The following SCGB2B2 variants were observed in gnomAD, a reference collection of about 807,000 sequenced individuals.
SCGB2B2 encodes the protein secretoglobin family 2B member 2, also known as secretoglobin-like protein.
In SCGB2B2, 11 loss-of-function variants were observed where a neutral mutation model predicts 7.6. That is an observed-to-expected ratio of 1.45 (90% CI 0.91 to 2.40). SCGB2B2 has a LOEUF of 2.40. SCGB2B2 is among the 30% of genes most tolerant of loss of function. The pLI is 0.00. For missense variants in SCGB2B2, 104 were observed against 115.4 expected, an observed-to-expected ratio of 0.90 and a Z score of 0.45; for synonymous variants, 50 against 48.6, an observed-to-expected ratio of 1.03 and a Z score of -0.12.
chr19:34,585,653 A>C (rs765737191), downstream of SCGB2B2, among the ~76,000 whole-genome samples: 2 of 152,212 alleles, frequency 1.3e-5, no homozygotes, highest in Admixed American at 6.5e-5. Flanking sequence ...CTTGGTGGGC[A>C]GGGGACTTGG....
intron 1 of SCGB2B2, among the ~76,000 whole-genome samples, chr19:34,644,368 T>TG (rs966424948): frequency 6.7e-5 from 10 of 150,338 alleles, no homozygotes; most frequent in African/African-American, 2.5e-4. Context: ...TTTTGTTTTT[T>TG]TTTTTTTACT....
chr19:34,600,411 C>A (rs2065590759), intron 1 of SCGB2B2, among the ~76,000 whole-genome samples: 1 of 152,128 alleles, frequency 6.6e-6, no homozygotes, highest in African/African-American at 2.4e-5. Flanking sequence ...GGTTTGTGCC[C>A]ATGTGTGGAA....
chr19:34,605,126 T>C (rs893579969), intron 1 of SCGB2B2, among the ~76,000 whole-genome samples: 4 of 152,248 alleles, frequency 2.6e-5, no homozygotes, highest in Non-Finnish European at 5.9e-5. Flanking sequence ...CATGGAATCA[T>C]ACAACATGCA....
At position 34,606,764 on chromosome 19, in the gene SCGB2B2, TCTCA is replaced by T. The variant is rs749692038; in HGVS notation, c.-2031-10174_-2031-10171del. Among the ~76,000 whole-genome samples, 52 of 152,094 alleles carry T rather than the reference TCTCA, an allele frequency of 3.4e-4. 1 individual carries two copies. Among genetic ancestry groups the T allele is most frequent in the Non-Finnish European group, 3.8e-4 (26 of 67,988 alleles). On this transcript the variant is annotated intron_variant, in intron 1 of 3. Coordinates refer to ENST00000601241, the MANE Select transcript of SCGB2B2 (RefSeq NM_001025591.4). Reference sequence around the variant, plus strand: ...ATTTTATAATTAGTACCTGTTAATCTCTCACTCAGTTAATTTATAAATTAAACTT... The same window carrying T: ...ATTTTATAATTAGTACCTGTTAATCTCTCAGTTAATTTATAAATTAAACTT...
At chr19:34,664,667 A>T (rs12327610) in intron 1 of SCGB2B2, among the ~76,000 whole-genome samples, 144,243 of 152,206 alleles carry the variant, frequency 0.95, 68,748 homozygotes, top group Middle Eastern at 0.99. Context: ...TCACTGTTCC[A>T]GCAAACTCCT....
chr19:34,603,623 T>A (rs537184321), intron 1 of SCGB2B2, among the ~76,000 whole-genome samples: 1 of 152,240 alleles, frequency 6.6e-6, no homozygotes, highest in South Asian at 2.1e-4. Context: ...CCAGGATTAA[T>A]TATAGGGAGA....
intron 1 of SCGB2B2, among the ~76,000 whole-genome samples, chr19:34,655,841 T>C (rs1600067020): frequency 6.6e-6 from 1 of 150,888 alleles, no homozygotes; most frequent in South Asian, 2.1e-4. Context: ...CAGTAAGACA[T>C]GTAACTGCAG....
At chr19:34,635,937 A>G (rs1283320465) in intron 1 of SCGB2B2, among the ~76,000 whole-genome samples, 1 of 152,194 alleles carries the variant, frequency 6.6e-6, no homozygotes, top group Non-Finnish European at 1.5e-5. Flanking sequence ...TGTCTCCCAC[A>G]TGCCCCCCGT....
chr19:34,655,798 G>A (rs1346609422), intron 1 of SCGB2B2, among the ~76,000 whole-genome samples: 1 of 151,218 alleles, frequency 6.6e-6, no homozygotes, highest in African/African-American at 2.5e-5. Context: ...CATATCTAAC[G>A]AGAGGCAAGG....
chr19:34,649,401 C>T (rs1343301445), intron 1 of SCGB2B2, among the ~76,000 whole-genome samples: 1 of 152,110 alleles, frequency 6.6e-6, no homozygotes, highest in Non-Finnish European at 1.5e-5. Flanking sequence ...CAGTGTTAAC[C>T]TGAACAGAAC....
chr19:34,667,813 T>C (rs2067677488), intron 1 of SCGB2B2, among the ~76,000 whole-genome samples: 2 of 148,034 alleles, frequency 1.4e-5, no homozygotes, highest in Non-Finnish European at 3.0e-5. Context: ...GCCACCCACG[T>C]GCCCCTCCCC....
Position 34,651,196 on chromosome 19 carries a change from A to AGAATGTCCACT in SCGB2B2, c.-2032+24423_-2032+24433dup, listed in dbSNP as rs974351059. On this transcript the variant is annotated intron_variant, in intron 1 of 3. Coordinates refer to ENST00000601241, the MANE Select transcript of SCGB2B2 (RefSeq NM_001025591.4). ...TTCCTCTGAGATCTGGAACAAGGCA[A>AGAATGTCCACT]GAATGTCCACTTTCACCACTTTTAT... 3.3e-5 allele frequency among the ~76,000 whole-genome samples: 5 copies of AGAATGTCCACT among 151,446 alleles called. 1 individual carries two copies. Among genetic ancestry groups the AGAATGTCCACT allele is most frequent in the African/African-American group, 1.2e-4 (5 of 40,692 alleles).
chr19:34,662,931 C>CA (rs199832640), intron 1 of SCGB2B2, among the ~76,000 whole-genome samples: 2 of 149,622 alleles, frequency 1.3e-5, no homozygotes, highest in Non-Finnish European at 3.0e-5. Flanking sequence ...ACCCTGTCTC[C>CA]AAAAAAACAA....
intron 1 of SCGB2B2, among the ~76,000 whole-genome samples, chr19:34,655,645 A>G (rs1197928867): frequency 6.6e-6 from 1 of 151,298 alleles, no homozygotes; most frequent in Non-Finnish European, 1.5e-5. Flanking sequence ...TCATGGGCAG[A>G]TCCTTAGCCT....
intron 1 of SCGB2B2, among the ~76,000 whole-genome samples, chr19:34,619,309 C>T (rs562365093): frequency 1.5e-4 from 23 of 152,296 alleles, no homozygotes; most frequent in African/African-American, 5.5e-4. Flanking sequence ...GGCCAAATAT[C>T]AGCTTTAATT....
chr19:34,633,672 T>C (rs1270552042), intron 1 of SCGB2B2, among the ~76,000 whole-genome samples: 2 of 151,966 alleles, frequency 1.3e-5, no homozygotes, highest in Non-Finnish European at 2.9e-5. Context: ...AGGTGATGAA[T>C]CTGCTCATTA....
chr19:34,593,247 A>T lies in SCGB2B2; in HGVS notation c.*308T>A, dbSNP rs2065344777. 1.0e-5 allele frequency: 3 copies of T among 287,104 alleles called. No individual in the cohort carries two copies. Among genetic ancestry groups the T allele is most frequent in the Non-Finnish European group, 2.0e-5 (3 of 153,246 alleles). The allele number at this position is 287,104 out of a possible 1,614,324, so 17.8% of individuals were successfully genotyped here. A position where few individuals can be genotyped will look rare whatever the true frequency, so the allele number is the denominator to read the frequency against. ...AGGCAGGAGAATCGCTTGAACCCAG[A>T]AGGTGGAGGCTGCAGTGAGCCAAGA... is the stretch of plus-strand genomic sequence containing the variant. On this transcript the variant is annotated 3_prime_UTR_variant, in exon 4 of 4. Coordinates refer to ENST00000601241, the MANE Select transcript of SCGB2B2 (RefSeq NM_001025591.4).
intron 1 of SCGB2B2, among the ~76,000 whole-genome samples, chr19:34,599,724 C>T (rs2065567555): frequency 1.3e-5 from 2 of 152,106 alleles, no homozygotes; most frequent in Admixed American, 6.5e-5. Flanking sequence ...CCTGTCCTCT[C>T]CTGTCTTTTC....
At chr19:34,603,031 T>C (rs2065675644) in intron 1 of SCGB2B2, among the ~76,000 whole-genome samples, 1 of 152,238 alleles carries the variant, frequency 6.6e-6, no homozygotes, top group Non-Finnish European at 1.5e-5. Flanking sequence ...GGATTTTCTT[T>C]GCAAAATCTT....
Sources: gnomAD v4.1 joint callset for allele counts (sites outside exome capture counted in the v4.1 genomes callset) on GRCh38, gnomAD v4.1.1 for gene constraint, MANE v1.5 for transcripts, NCBI Gene and HGNC (gene_info 2026-07-23, HGNC 2026-07-21) for gene names.